The following GUSB variants were observed in gnomAD, a reference collection of about 807,000 sequenced individuals.
GUSB encodes the protein beta-glucuronidase.
Under a neutral mutation model 74.6 loss-of-function variants are expected in GUSB, and 51 were observed. That is an observed-to-expected ratio of 0.68 (90% CI 0.55 to 0.86). The LOEUF (loss-of-function observed/expected upper bound fraction) is 0.86, where lower values mean the gene tolerates loss of function less well. Ranked by LOEUF, GUSB falls within the 40% of genes least tolerant of loss-of-function variation. GUSB has a pLI of 0.00. For missense variants in GUSB, 736 were observed against 853.7 expected, an observed-to-expected ratio of 0.86 and a Z score of 1.72; for synonymous variants, 360 against 348.3, an observed-to-expected ratio of 1.03 and a Z score of -0.37.
At position 65,964,425 on chromosome 7, in the gene GUSB, T is replaced by G. The variant is rs749594772; in HGVS notation, c.1687A>C (p.Lys563Gln). Residue 563 changes from lysine to glutamine, a missense_variant, in exon 11 of 12, where the codon AAA becomes CAA. Physicochemically the swap from Lys to Gln is moderately conservative, Grantham distance 53. Around this residue, in one of 2 missense-constraint regions of GUSB, gnomAD observed 368 missense variants for 489.9 expected, o/e 0.75. Coordinates refer to ENST00000304895, the MANE Select transcript of GUSB (RefSeq NM_000181.4). ...PPLMFTEEYQ[K>Q]SLLEQYHLGL... ...AGATGGTACTGCTCTAGCAGACTTT[T>G]CTGGTACTCTTCAGTGAACATCAGA... The G allele has an allele frequency of 5.0e-6, 8 of 1,611,270 alleles. No individual in the cohort carries two copies. In the South Asian group the frequency reaches 7.7e-5, roughly 15 times the overall value.
chr7:65,974,748 T>G, intron 6 of GUSB, 44 bp from the exon 7 acceptor site: 1 of 1,605,300 alleles, frequency 6.2e-7, no homozygotes. Flanking sequence ...CTGTCGAAGC[T>G]GCACTTCCTC....
At chr7:65,977,070 C>A (rs79560350) in intron 4 of GUSB, among the ~76,000 whole-genome samples, 3 of 152,094 alleles carry the variant, frequency 2.0e-5, no homozygotes, top group African/African-American at 4.8e-5. Flanking sequence ...GAATTCATCA[C>A]GGAAGACTCC....
Position 65,967,903 on chromosome 7 carries a change from G to C in GUSB, c.1481C>G (p.Pro494Arg). 2 of 1,599,906 alleles carry C rather than the reference G, an allele frequency of 1.3e-6. No homozygotes were observed. The highest frequency in any genetic ancestry group is 1.3e-5 in the African/African-American group (1 of 74,986). The stretch of plus-strand genomic sequence containing the variant: ...GTTCAAACAGATCACATCCACATAC[G>C]GAGCCTAGGACCAGAGCAGCAGAGC... ...NSNYAADKGA[P>R]YVDVICLNSY... is the part of the protein sequence containing the mutation. Residue 494 changes from proline to arginine, a missense_variant, in exon 10 of 12, where the codon CCG becomes CGG. By Grantham distance (103) the Pro-to-Arg change is moderately radical. This residue lies in a region of GUSB where 368 missense variants were observed against 489.9 expected (regional missense o/e 0.75). Transcript: ENST00000304895.
chr7:65,961,984 AGAGT>A (rs1790531966), intron 11 of GUSB, among the ~76,000 whole-genome samples: 1 of 149,138 alleles, frequency 6.7e-6, no homozygotes, highest in African/African-American at 2.5e-5. Flanking sequence ...CCTGGGCGAC[AGAGT>A]GAGACTCCAT....
chr7:65,980,104 C>A, intron 2 of GUSB, 120 bp downstream of exon 2: 1 of 1,074,946 alleles, frequency 9.3e-7, no homozygotes, highest in Non-Finnish European at 1.4e-6. Context: ...CAGGGCAGGG[C>A]AGGGCAGGAC....
In GUSB at chr7:65,964,398, C is replaced by T. The variant is rs1473884638; in HGVS notation, c.1714G>A (p.Gly572Ser). 6 of 1,610,612 alleles carry T rather than the reference C, an allele frequency of 3.7e-6. No homozygotes were observed. The South Asian group carries it at 6.6e-5, about 18-fold the overall frequency. ...QKSLLEQYHL[G>S]LDQKRRKYVV... ...TATTTTCTGCGTTTTTGATCCAGACCCAGATGGTACTGCTCTAGCAGACTT... is the reference window on the plus strand; with the variant it reads ...TATTTTCTGCGTTTTTGATCCAGACTCAGATGGTACTGCTCTAGCAGACTT... The change falls in exon 11 of 12, where the codon GGT (glycine) becomes AGT (serine). Residue 572 changes from glycine to serine, a missense_variant. Gly to Ser is a moderately conservative substitution (Grantham distance 56, BLOSUM62 0). Around this residue, in one of 2 missense-constraint regions of GUSB, gnomAD observed 368 missense variants for 489.9 expected, o/e 0.75. Transcript: ENST00000304895.
intron 1 of GUSB, chr7:65,981,723 A>G: frequency 2.2e-6 from 1 of 463,080 alleles, no homozygotes. Flanking sequence ...AGGATACTGC[A>G]CAGACTCAGC....
intron 4 of GUSB, 77 bp downstream of exon 4, chr7:65,979,322 C>T: frequency 7.1e-7 from 1 of 1,416,720 alleles, no homozygotes; most frequent in Non-Finnish European, 1.0e-6. Flanking sequence ...CACCTTTTTC[C>T]TGGGAGAGCT....
intron 4 of GUSB, among the ~76,000 whole-genome samples, chr7:65,977,712 C>T (rs1249167802): frequency 2.6e-5 from 4 of 151,170 alleles, no homozygotes; most frequent in Non-Finnish European, 5.9e-5. Flanking sequence ...AACTTAGAAC[C>T]GCGGCCCCAC....
intron 5 of GUSB, 26 bp downstream of exon 5, chr7:65,975,989 T>C: frequency 6.2e-7 from 1 of 1,605,820 alleles, no homozygotes; most frequent in Non-Finnish European, 8.5e-7. Context: ...AAGACCTCCC[T>C]TAGGCATGTC....
At position 65,979,900 on chromosome 7, in the gene GUSB, C is replaced by T. The variant is rs1489166272; in HGVS notation, c.408G>A (p.Gly136=). Residue 136 remains glycine (G), a synonymous_variant, in exon 3 of 12, where the codon GGG becomes GGA. Transcript: ENST00000304895. Reference sequence around the variant, plus strand: ...CCCCCTCATGCTCTAGCGTGTCGACCCCATTCACCCACTGCAGACACAGGA... The same window carrying T: ...CCCCCTCATGCTCTAGCGTGTCGACTCCATTCACCCACTGCAGACACAGGA... ...AHSYAIVWVN[G]VDTLEHEGGY... 3.6e-5 allele frequency: 58 copies of T among 1,598,820 alleles called. No homozygotes were observed. The highest frequency in any genetic ancestry group is 5.4e-5 in the African/African-American group (4 of 74,662).
rs1417426295 is a variant in GUSB at position 65,979,902 on chromosome 7, C to T, written c.406G>A (p.Gly136Arg). ...CCCTCATGCTCTAGCGTGTCGACCCCATTCACCCACTGCAGACACAGGAGA... is the reference window on the plus strand; with the variant it reads ...CCCTCATGCTCTAGCGTGTCGACCCTATTCACCCACTGCAGACACAGGAGA... ...AHSYAIVWVNGVDTLEHEGGY... is the reference protein window; with the variant it reads ...AHSYAIVWVNRVDTLEHEGGY... The change falls in exon 3 of 12, where the codon GGG becomes AGG. Residue 136 changes from glycine to arginine, a missense_variant. Coordinates refer to ENST00000304895, the MANE Select transcript of GUSB (RefSeq NM_000181.4). The T allele has an allele frequency of 2.5e-6, 4 of 1,598,346 alleles. No individual in the cohort carries two copies. In the African/African-American group the frequency reaches 4.0e-5, roughly 16 times the overall value.
intron 5 of GUSB, chr7:65,975,382 T>TC (rs1554309487): frequency 1.3e-4 from 49 of 380,602 alleles, no homozygotes; most frequent in Middle Eastern, 8.3e-4. Flanking sequence ...CCCATCTCTA[T>TC]AAAAAAAAAA....
chr7:65,978,730 C>A (rs1287217766), intron 4 of GUSB, among the ~76,000 whole-genome samples: 1 of 151,776 alleles, frequency 6.6e-6, no homozygotes, highest in African/African-American at 2.4e-5. Context: ...CAAGATCACG[C>A]CATCGCACTC....
At chr7:65,973,384 C>G (rs926416545) in intron 8 of GUSB, among the ~76,000 whole-genome samples, 9 of 152,116 alleles carry the variant, frequency 5.9e-5, no homozygotes, top group African/African-American at 2.2e-4. Context: ...TTCAAGAGAT[C>G]GAGACCATCC....
intron 10 of GUSB, among the ~76,000 whole-genome samples, chr7:65,967,279 A>AC (rs370480730): frequency 6.2e-4 from 94 of 152,128 alleles, no homozygotes; most frequent in African/African-American, 2.2e-3. Flanking sequence ...ACATGGCAAG[A>AC]CCCCATCTCT....
At chr7:65,961,197 G>A in intron 11 of GUSB, 134 bp from the exon 12 acceptor site, 1 of 851,234 alleles carries the variant, frequency 1.2e-6, no homozygotes, top group East Asian at 2.5e-5. Flanking sequence ...TGCCCAGGCT[G>A]GAATGCGGTG....
chr7:65,976,368 C>A (rs1791578117), intron 4 of GUSB, among the ~76,000 whole-genome samples, 166 bp from the exon 5 acceptor site: 1 of 151,956 alleles, frequency 6.6e-6, no homozygotes, highest in Admixed American at 6.6e-5. Flanking sequence ...CTCTGTCCCC[C>A]AGGCTGGAGT....
At position 65,982,054 on chromosome 7, in the gene GUSB, G is replaced by A; in HGVS notation, c.130C>T (p.Leu44Phe). 1 of 1,610,892 alleles carries A rather than the reference G, an allele frequency of 6.2e-7. No individual in the cohort carries two copies. The highest frequency in any genetic ancestry group is 8.5e-7 in the Non-Finnish European group (1 of 1,179,348). Residue 44 changes from leucine to phenylalanine, a missense_variant, in exon 1 of 12, where the codon CTC becomes TTC. Transcript: ENST00000304895. ...PSRECKELDG[L>F]WSFRADFSDN... The stretch of plus-strand genomic sequence containing the variant: ...GAGAAGTCGGCGCGGAAGCTCCAGA[G>A]GCCGTCCAGCTCCTTGCACTCCCGC...
Sources: allele counts gnomAD v4.1 joint callset (sites outside exome capture counted in the v4.1 genomes callset), GRCh38; gene constraint gnomAD v4.1.1; regional missense constraint gnomAD v4.1.1; transcripts MANE v1.5; gene names NCBI Gene and HGNC (gene_info 2026-07-23, HGNC 2026-07-21).